Variants in PKNOX1 observed in about 807,000 individuals in gnomAD.
The protein encoded by PKNOX1 is homeobox protein PKNOX1.
In PKNOX1, 15 loss-of-function variants were observed where a neutral mutation model predicts 51.9. The observed-to-expected ratio is 0.29, with a 90% CI of 0.19 to 0.45. The LOEUF (loss-of-function observed/expected upper bound fraction) is 0.45, where lower values mean the gene tolerates loss of function less well. Among genes scored for constraint, PKNOX1 ranks in the 20% least tolerant of loss-of-function variants. The probability of loss-of-function intolerance (pLI) is 1.00; values close to 1 mark genes in which losing one functional copy is unlikely to be tolerated. For missense variants in PKNOX1, 462 were observed against 547.5 expected (o/e 0.84, Z 1.56); for synonymous variants, 219 against 211.1 (o/e 1.04, Z -0.32).
intron 1 of PKNOX1, among the ~76,000 whole-genome samples, chr21:43,001,120 A>T (rs1007699377): frequency 1.3e-5 from 2 of 152,218 alleles, no homozygotes; most frequent in Non-Finnish European, 2.9e-5. Flanking sequence ...AGGTTCAGTG[A>T]CACGTTTGCA....
Position 42,989,159 on chromosome 21 carries a change from T to G in PKNOX1, c.-57+14495T>G, listed in dbSNP as rs760954845. On this transcript the variant is annotated intron_variant, in intron 1 of 10. Transcript: ENST00000291547. Reference sequence around the variant, plus strand: ...AAAGGGACTGAATAATTTCCAACTTTTTTTTTTTTGATAAAGGGTCTCACT... The same window carrying G: ...AAAGGGACTGAATAATTTCCAACTTGTTTTTTTTTGATAAAGGGTCTCACT... Among the ~76,000 whole-genome samples, 60 of 152,066 alleles carry G rather than the reference T, an allele frequency of 3.9e-4. 1 individual carries two copies. The highest frequency in any genetic ancestry group is 8.8e-5 in the Non-Finnish European group (6 of 68,016).
At position 43,021,499 on chromosome 21, in the gene PKNOX1, A is replaced by T; in HGVS notation, c.849+68A>T. The T allele has an allele frequency of 6.7e-7, 1 of 1,490,640 alleles. No individual in the cohort carries two copies. The highest frequency in any genetic ancestry group is 2.2e-5 in the Admixed American group (1 of 44,816). 92.3% of individuals were successfully genotyped at this position (1,490,640 alleles called of 1,614,324 possible). On this transcript the variant is annotated intron_variant, in intron 8 of 10. Coordinates refer to ENST00000291547, the MANE Select transcript of PKNOX1 (RefSeq NM_004571.5). This position sits in a 1 kb window ranked among gnomAD's most constrained non-coding sequence, Gnocchi z 4.6. Reference sequence around the variant, plus strand: ...ACGCTTGCTCTCTGGCTTATGTGTCATGGAAAAGGGTTACTTCTCTGGGCT... The same window carrying T: ...ACGCTTGCTCTCTGGCTTATGTGTCTTGGAAAAGGGTTACTTCTCTGGGCT...
At chr21:42,997,976 C>T (rs1331518001) in intron 1 of PKNOX1, among the ~76,000 whole-genome samples, 1 of 152,198 alleles carries the variant, frequency 6.6e-6, no homozygotes, top group Non-Finnish European at 1.5e-5. Context: ...ATGTGAGTCA[C>T]ATGATCAGAT....
At chr21:42,997,652 G>A (rs1025561357) in intron 1 of PKNOX1, among the ~76,000 whole-genome samples, 26 of 152,186 alleles carry the variant, frequency 1.7e-4, no homozygotes, top group Admixed American at 5.9e-4. Context: ...GAAGTACTGC[G>A]GAGCTGAGCA....
chr21:43,001,504 T>C (rs1978751943), intron 1 of PKNOX1, among the ~76,000 whole-genome samples: 1 of 152,164 alleles, frequency 6.6e-6, no homozygotes. Flanking sequence ...TCCACGAGGC[T>C]TTGGGGGCAC....
chr21:42,984,116 G>T (rs1038600522), intron 1 of PKNOX1, among the ~76,000 whole-genome samples: 3 of 151,666 alleles, frequency 2.0e-5, no homozygotes, highest in African/African-American at 4.9e-5. Context: ...GTGTTTTAAA[G>T]AGACAGGGTC....
chr21:43,027,920 A>G (rs1980052716), intron 9 of PKNOX1, among the ~76,000 whole-genome samples: 1 of 148,626 alleles, frequency 6.7e-6, no homozygotes, highest in South Asian at 2.1e-4. Flanking sequence ...CATCTCAAAA[A>G]TACAGAAACA....
At chr21:42,981,309 C>T (rs924122668) in intron 1 of PKNOX1, among the ~76,000 whole-genome samples, 1 of 152,242 alleles carries the variant, frequency 6.6e-6, no homozygotes, top group African/African-American at 2.4e-5. Context: ...TGACAGTGTG[C>T]AAAGTCTGGA....
At chr21:42,991,722 A>T (rs2059088309) in intron 1 of PKNOX1, among the ~76,000 whole-genome samples, 1 of 132,286 alleles carries the variant, frequency 7.6e-6, no homozygotes, top group African/African-American at 2.9e-5. Flanking sequence ...CGACAGAGCG[A>T]GACTCCGTCT....
intron 2 of PKNOX1, 95 bp from the exon 3 acceptor site, chr21:43,007,396 G>C: frequency 8.9e-7 from 1 of 1,128,442 alleles, no homozygotes; most frequent in Admixed American, 1.8e-5. Context: ...ACTGCTGTCT[G>C]GCAATTCCCC....
chr21:42,999,683 G>A (rs1296142286), intron 1 of PKNOX1, among the ~76,000 whole-genome samples: 1 of 152,006 alleles, frequency 6.6e-6, no homozygotes, highest in Non-Finnish European at 1.5e-5. Flanking sequence ...GTTTCTCCAT[G>A]TTGGTCAGGC....
intron 5 of PKNOX1, 103 bp from the exon 6 acceptor site, chr21:43,016,805 C>CT (rs1979510080): frequency 2.9e-6 from 2 of 683,148 alleles, no homozygotes; most frequent in Non-Finnish European, 4.8e-6. Flanking sequence ...TCAAGCTTCT[C>CT]TTTCCTTTTT....
chr21:43,000,137 T>C (rs951685053), intron 1 of PKNOX1, among the ~76,000 whole-genome samples: 15 of 152,274 alleles, frequency 9.9e-5, no homozygotes, highest in Admixed American at 9.2e-4. Context: ...TTCCAAACTT[T>C]CCCACATTTT....
intron 1 of PKNOX1, among the ~76,000 whole-genome samples, chr21:42,976,538 A>G (rs766931272): frequency 1.3e-5 from 2 of 152,244 alleles, no homozygotes; most frequent in Non-Finnish European, 2.9e-5. Flanking sequence ...GTTGGAGGCT[A>G]TTCTCAAACT....
intron 1 of PKNOX1, among the ~76,000 whole-genome samples, chr21:42,983,193 G>A (rs2059035660): frequency 6.6e-6 from 1 of 152,078 alleles, no homozygotes; most frequent in African/African-American, 2.4e-5. Context: ...GTTCAGTGGT[G>A]GTAAGTTCAT....
intron 10 of PKNOX1, 126 bp from the exon 11 acceptor site, chr21:43,029,764 C>T (rs1980165534): frequency 2.4e-6 from 2 of 823,612 alleles, no homozygotes; most frequent in Non-Finnish European, 4.0e-6. Flanking sequence ...GTTGAACATT[C>T]CCTAAACATA....
chr21:42,979,084 A>T (rs1029033092), intron 1 of PKNOX1, among the ~76,000 whole-genome samples: 2 of 152,214 alleles, frequency 1.3e-5, no homozygotes, highest in African/African-American at 4.8e-5. Flanking sequence ...AAAGTTTTGT[A>T]GAAGTGAGGT....
In PKNOX1 at chr21:43,011,884, A is replaced by C. The variant is rs1413744269; in HGVS notation, c.352-1184A>C. 2.6e-5 allele frequency among the ~76,000 whole-genome samples: 4 copies of C among 152,064 alleles called. No homozygotes were observed. The South Asian group carries it at 8.3e-4, about 31-fold the overall frequency. The stretch of plus-strand genomic sequence containing the variant: ...AACAGTGCATGCTCTTTGGGTGAGG[A>C]TCCGATGCTCTCTCCACCCCTGAGT... On this transcript the variant is annotated intron_variant, in intron 4 of 10. Coordinates refer to ENST00000291547, the MANE Select transcript of PKNOX1 (RefSeq NM_004571.5).
chr21:43,033,007 A>C lies in PKNOX1; in HGVS notation c.*2906A>C, dbSNP rs1411352588. The C allele has an allele frequency of 1.3e-5, 2 of 152,114 alleles. No homozygotes were observed. Among genetic ancestry groups the C allele is most frequent in the Non-Finnish European group, 2.9e-5 (2 of 68,026 alleles). 9.4% of individuals were successfully genotyped at this position (152,114 alleles called of 1,614,324 possible). ...CCCCTCTAAGATTTCGTTTTAAATG[A>C]TCAGATTCGGTTCCAGTTTTATTCT... On this transcript the variant is annotated 3_prime_UTR_variant, in exon 11 of 11. Coordinates refer to ENST00000291547, the MANE Select transcript of PKNOX1 (RefSeq NM_004571.5).
Sources: allele counts gnomAD v4.1 joint callset (sites outside exome capture counted in the v4.1 genomes callset), GRCh38; gene constraint gnomAD v4.1.1; non-coding constraint Gnocchi (gnomAD v3.1); transcripts MANE v1.5; gene names NCBI Gene and HGNC (gene_info 2026-07-23, HGNC 2026-07-21).